EBF1: variants seen among roughly 807,000 people sequenced by gnomAD.
EBF1 encodes the protein EBF transcription factor 1.
Under a neutral mutation model 68.4 loss-of-function variants are expected in EBF1, and 10 were observed. That is an observed-to-expected ratio of 0.15 (90% CI 0.09 to 0.25). The LOEUF (loss-of-function observed/expected upper bound fraction) is 0.25, where lower values mean the gene tolerates loss of function less well. Ranked by LOEUF, EBF1 falls within the 10% of genes least tolerant of loss-of-function variation. The pLI is 1.00. For missense variants in EBF1, 509 were observed against 794.4 expected, an observed-to-expected ratio of 0.64 and a Z score of 4.32; for synonymous variants, 298 against 299.8, an observed-to-expected ratio of 0.99 and a Z score of 0.06.
chr5:158,896,735 T>C (rs1802251038), intron 6 of EBF1, among the ~76,000 whole-genome samples: 1 of 152,206 alleles, frequency 6.6e-6, no homozygotes, highest in South Asian at 2.1e-4. Flanking sequence ...CATTACTCCA[T>C]TAAAATTGTC....
chr5:158,976,172 T>G (rs1403070885), intron 6 of EBF1, among the ~76,000 whole-genome samples: 1 of 152,226 alleles, frequency 6.6e-6, no homozygotes, highest in Non-Finnish European at 1.5e-5. Context: ...AAGTAGTGAT[T>G]CATTGTGTTG....
intron 14 of EBF1, among the ~76,000 whole-genome samples, chr5:158,709,952 CA>C (rs1758809726): frequency 2.0e-5 from 3 of 151,896 alleles, no homozygotes; most frequent in Non-Finnish European, 2.9e-5. Context: ...GGTGGGGGGC[CA>C]GTTAACAGAG....
Position 158,796,330 on chromosome 5 carries a change from T to C in EBF1, c.909+15A>G. The C allele has an allele frequency of 6.2e-7, 1 of 1,605,744 alleles. No homozygotes were observed. The highest frequency in any genetic ancestry group is 8.5e-7 in the Non-Finnish European group (1 of 1,175,780). On this transcript the variant is annotated intron_variant, in intron 9 of 15. Transcript: ENST00000313708. ...AGATCAAGCTATTAGATATTAATGT[T>C]CAGACAACACCTACCTCACTCCAGA...
chr5:158,835,848 A>G (rs528822071), intron 7 of EBF1, among the ~76,000 whole-genome samples: 2 of 152,348 alleles, frequency 1.3e-5, no homozygotes, highest in East Asian at 3.9e-4. Flanking sequence ...ATTCTTAATA[A>G]GGGTATTTTG....
chr5:159,011,842 A>G (rs1764723360), intron 6 of EBF1, among the ~76,000 whole-genome samples: 1 of 152,258 alleles, frequency 6.6e-6, no homozygotes, highest in African/African-American at 2.4e-5. Flanking sequence ...AAAAAATATA[A>G]TGAAAATAAA....
intron 6 of EBF1, among the ~76,000 whole-genome samples, chr5:158,993,834 A>T (rs905573264): frequency 3.3e-5 from 5 of 152,252 alleles, no homozygotes; most frequent in African/African-American, 1.2e-4. Context: ...GATCATGGTC[A>T]GACCTAAAGG....
At chr5:158,789,813 A>G (rs1271135812) in intron 9 of EBF1, among the ~76,000 whole-genome samples, 2 of 152,232 alleles carry the variant, frequency 1.3e-5, no homozygotes, top group African/African-American at 4.8e-5. Context: ...TATGCATCTT[A>G]GTCAACCACT....
intron 6 of EBF1, among the ~76,000 whole-genome samples, chr5:159,030,178 A>AT (rs1200264315): frequency 2.0e-5 from 3 of 152,058 alleles, no homozygotes; most frequent in Non-Finnish European, 4.4e-5. Flanking sequence ...CAATATCATA[A>AT]TTTTTTTAAA....
intron 6 of EBF1, among the ~76,000 whole-genome samples, chr5:158,995,924 G>C (rs1761324935): frequency 6.6e-6 from 1 of 152,156 alleles, no homozygotes; most frequent in Admixed American, 6.5e-5. Flanking sequence ...AAACATATTA[G>C]TGAAACCTAC....
In EBF1 at chr5:158,861,723, C is replaced by T. The variant is rs79579150; in HGVS notation, c.555-21613G>A. Among the ~76,000 whole-genome samples, 1,013 of 152,262 alleles carry T rather than the reference C, an allele frequency of 6.7e-3. 10 individuals carry two copies. Among genetic ancestry groups the T allele is most frequent in the African/African-American group, 0.023 (941 of 41,542 alleles). ...GTTCCCACTTGTTTTGGCCATGATG[C>T]ATCACCTTGCCTTTTCTTTGGTTAT... On this transcript the variant is annotated intron_variant, in intron 6 of 15. Coordinates refer to ENST00000313708, the MANE Select transcript of EBF1 (RefSeq NM_024007.5).
intron 15 of EBF1, among the ~76,000 whole-genome samples, chr5:158,705,584 T>C (rs911337621): frequency 1.3e-5 from 2 of 152,208 alleles, no homozygotes; most frequent in African/African-American, 4.8e-5. Context: ...GGAGGACAAA[T>C]GCACAAACTT....
intron 6 of EBF1, among the ~76,000 whole-genome samples, chr5:159,050,921 A>G (rs990035069): frequency 2.6e-5 from 4 of 152,088 alleles, no homozygotes; most frequent in African/African-American, 9.7e-5. Flanking sequence ...TTGGTAGCCA[A>G]TTTTCCTAAG....
intron 6 of EBF1, among the ~76,000 whole-genome samples, chr5:158,915,109 C>G (rs1019032622): frequency 7.9e-5 from 12 of 152,134 alleles, no homozygotes; most frequent in Non-Finnish European, 1.8e-4. Context: ...TGGGGCGGGC[C>G]AGGCACTCAG....
chr5:158,769,349 G>T (rs745646973), intron 10 of EBF1, among the ~76,000 whole-genome samples: 1 of 152,096 alleles, frequency 6.6e-6, no homozygotes, highest in Non-Finnish European at 1.5e-5. Flanking sequence ...AAAAAGCCAA[G>T]GTTGTATATA....
intron 6 of EBF1, among the ~76,000 whole-genome samples, chr5:158,883,374 A>C (rs529086357): frequency 6.6e-6 from 1 of 150,948 alleles, no homozygotes; most frequent in Non-Finnish European, 1.5e-5. Flanking sequence ...ACATACATAC[A>C]TGTATATATA....
intron 6 of EBF1, among the ~76,000 whole-genome samples, chr5:159,059,388 G>A (rs889326739): frequency 2.6e-5 from 4 of 151,436 alleles, no homozygotes; most frequent in African/African-American, 4.8e-5. Flanking sequence ...AACATTTCAC[G>A]AGTAATGTTG....
intron 6 of EBF1, among the ~76,000 whole-genome samples, chr5:159,069,116 T>A (rs1777369774): frequency 6.6e-6 from 1 of 152,068 alleles, no homozygotes; most frequent in African/African-American, 2.4e-5. Flanking sequence ...TTTAGGTTAC[T>A]GGAGCTACAT....
intron 6 of EBF1, chr5:158,983,665 T>C (rs527237473): frequency 2.0e-5 from 3 of 152,296 alleles, no homozygotes; most frequent in Non-Finnish European, 2.9e-5. Flanking sequence ...TTGGCTCTAA[T>C]GTCTTTGGAA....
In EBF1 at chr5:158,798,905, T is replaced by A. The variant is rs1321134235; in HGVS notation, c.779-2430A>T. Among the ~76,000 whole-genome samples the A allele has an allele frequency of 2.6e-5, 4 of 152,222 alleles. No homozygotes were observed. In the East Asian group the frequency reaches 5.8e-4, roughly 22 times the overall value. On this transcript the variant is annotated intron_variant, in intron 8 of 15. Transcript: ENST00000313708. ...CCTCTACACTCAGCACCATCCACCATCCCTGCTTCGAGACTATATGCCATT... is the reference window on the plus strand; with the variant it reads ...CCTCTACACTCAGCACCATCCACCAACCCTGCTTCGAGACTATATGCCATT...
Sources: gnomAD v4.1 joint callset for allele counts (sites outside exome capture counted in the v4.1 genomes callset) on GRCh38, gnomAD v4.1.1 for gene constraint, MANE v1.5 for transcripts, NCBI Gene and HGNC (gene_info 2026-07-23, HGNC 2026-07-21) for gene names.